Variants in MLANA observed in about 807,000 individuals in gnomAD.
MLANA encodes melan-A, also known as melanoma antigen recognized by T-cells 1.
A neutral mutation model predicts 15.7 loss-of-function variants in MLANA; 21 were observed. The observed-to-expected ratio is 1.33, with a 90% CI of 0.95 to 1.92. MLANA has a LOEUF of 1.92. Ranked by LOEUF, MLANA falls within the 40% of genes most tolerant of loss-of-function variation. The pLI is 0.00. For synonymous variants in MLANA, 56 were observed against 51.5 expected (o/e 1.09, Z -0.37); for missense variants, 164 against 143.8 (o/e 1.14, Z -0.72).
At position 5,901,406 on chromosome 9, in the gene MLANA, G is replaced by A. The variant is rs559051841; in HGVS notation, c.174+3753G>A. Among the ~76,000 whole-genome samples, 3 of 152,260 alleles carry A rather than the reference G, an allele frequency of 2.0e-5. No individual in the cohort carries two copies. The East Asian group carries it at 5.8e-4, about 29-fold the overall frequency. On this transcript the variant is annotated intron_variant, in intron 3 of 4. Transcript: ENST00000381477. Reference sequence around the variant, plus strand: ...TTTCCCTTTATCCCTCGTTTATTGAGAGTTTTAAATTATGAATGGGTGTTT... The same window carrying A: ...TTTCCCTTTATCCCTCGTTTATTGAAAGTTTTAAATTATGAATGGGTGTTT...
At chr9:5,904,641 T>A (rs1421804677) in intron 3 of MLANA, among the ~76,000 whole-genome samples, 1 of 152,064 alleles carries the variant, frequency 6.6e-6, no homozygotes, top group African/African-American at 2.4e-5. Context: ...CTCATCTAAT[T>A]TTTGTATTTT....
At chr9:5,896,177 C>A (rs1464002391) in intron 2 of MLANA, among the ~76,000 whole-genome samples, 1 of 152,204 alleles carries the variant, frequency 6.6e-6, no homozygotes, top group Non-Finnish European at 1.5e-5. Flanking sequence ...GCCCTGGGCA[C>A]TTGACCAGCA....
chr9:5,892,320 C>T (rs936128802), intron 1 of MLANA, 130 bp from the exon 2 acceptor site: 4 of 510,764 alleles, frequency 7.8e-6, no homozygotes, highest in Middle Eastern at 4.1e-4. Context: ...AATCCCCTCA[C>T]AGAGAGAAAC....
intron 3 of MLANA, among the ~76,000 whole-genome samples, chr9:5,901,931 G>T (rs1832454341): frequency 6.6e-6 from 1 of 152,140 alleles, no homozygotes. Flanking sequence ...ATTTTGTTGA[G>T]ATTTTTTGCA....
In MLANA at chr9:5,910,010, A is replaced by G. The variant is rs1048141300; in HGVS notation, c.*1302A>G. 5 of 152,234 alleles carry G rather than the reference A, an allele frequency of 3.3e-5. No individual in the cohort carries two copies. The highest frequency in any genetic ancestry group is 1.2e-4 in the African/African-American group (5 of 41,464). The allele number at this position is 152,234 out of a possible 1,614,324, so 9.4% of individuals were successfully genotyped here. A position where few individuals can be genotyped will look rare whatever the true frequency, so the allele number is the denominator to read the frequency against. On this transcript the variant is annotated 3_prime_UTR_variant, in exon 5 of 5. Transcript: ENST00000381477. Reference sequence around the variant, plus strand: ...TCATTTTCCATAGTAGAGGATAACTATAACAACGAAGATAATGAAAGTAAT... The same window carrying G: ...TCATTTTCCATAGTAGAGGATAACTGTAACAACGAAGATAATGAAAGTAAT...
At chr9:5,903,631 T>C (rs1832593855) in intron 3 of MLANA, among the ~76,000 whole-genome samples, 1 of 152,202 alleles carries the variant, frequency 6.6e-6, no homozygotes, top group Non-Finnish European at 1.5e-5. Context: ...ATGCAACTAT[T>C]TTTCCTTGCA....
Position 5,908,888 on chromosome 9 carries a change from T to C in MLANA, c.*180T>C. The C allele has an allele frequency of 1.7e-6, 1 of 575,734 alleles. No homozygotes were observed. The highest frequency in any genetic ancestry group is 3.1e-6 in the Non-Finnish European group (1 of 325,382). The allele number at this position is 575,734 out of a possible 1,614,324, so 35.7% of individuals were successfully genotyped here. ...TAGCAGTACTAATCATGTGAGGAAA[T>C]GATGAGAAATATTAAATTGGGAAAA... On this transcript the variant is annotated 3_prime_UTR_variant, in exon 5 of 5. Transcript: ENST00000381477.
chr9:5,906,259 C>T (rs1302339365), intron 3 of MLANA, among the ~76,000 whole-genome samples: 6 of 148,404 alleles, frequency 4.0e-5, no homozygotes, highest in Middle Eastern at 3.2e-3. Context: ...GAACCCAGGA[C>T]GCAGAGGTTG....
At position 5,894,085 on chromosome 9, in the gene MLANA, G is replaced by A. The variant is rs534695043; in HGVS notation, c.77+1534G>A. Among the ~76,000 whole-genome samples, 2 of 152,258 alleles carry A rather than the reference G, an allele frequency of 1.3e-5. No individual in the cohort carries two copies. Among genetic ancestry groups the A allele is most frequent in the African/African-American group, 4.8e-5 (2 of 41,554 alleles). On this transcript the variant is annotated intron_variant, in intron 2 of 4. Coordinates refer to ENST00000381477, the MANE Select transcript of MLANA (RefSeq NM_005511.2). This position sits in a 1 kb window ranked among gnomAD's most constrained non-coding sequence, Gnocchi z 4.0. Reference sequence around the variant, plus strand: ...AGTGTTATGCTGCAGGCCAGCAGAGGCAAATATTTGCACAATCCCATCCGA... The same window carrying A: ...AGTGTTATGCTGCAGGCCAGCAGAGACAAATATTTGCACAATCCCATCCGA...
At chr9:5,895,566 T>G (rs1831958403) in intron 2 of MLANA, among the ~76,000 whole-genome samples, 1 of 152,212 alleles carries the variant, frequency 6.6e-6, no homozygotes, top group Non-Finnish European at 1.5e-5. Flanking sequence ...ACTACATACC[T>G]GCTTTGGGTA....
intron 3 of MLANA, among the ~76,000 whole-genome samples, chr9:5,900,688 T>C (rs1234074149): frequency 6.6e-6 from 1 of 152,206 alleles, no homozygotes; most frequent in Non-Finnish European, 1.5e-5. Context: ...TTTAGATCTC[T>C]TAAAATTTCT....
chr9:5,906,851 C>G (rs1455554594), intron 3 of MLANA, 34 bp from the exon 4 acceptor site: 1 of 1,357,388 alleles, frequency 7.4e-7, no homozygotes, highest in African/African-American at 1.5e-5. Context: ...GTTACTTCTT[C>G]TCACCCACTC....
In MLANA at chr9:5,909,440, T is replaced by G. The variant is rs1833028238; in HGVS notation, c.*732T>G. On this transcript the variant is annotated 3_prime_UTR_variant, in exon 5 of 5. Coordinates refer to ENST00000381477, the MANE Select transcript of MLANA (RefSeq NM_005511.2). ...TGCCTGACTAATTTTGTAGTTTTAG[T>G]AGAGACGGGGTTTCTCCATGTTGGT... 1.3e-5 allele frequency: 2 copies of G among 152,250 alleles called. No homozygotes were observed. Among genetic ancestry groups the G allele is most frequent in the South Asian group, 4.1e-4 (2 of 4,830 alleles). The allele number at this position is 152,250 out of a possible 1,614,324, so 9.4% of individuals were successfully genotyped here.
At chr9:5,891,708 T>C (rs1283085660) in intron 1 of MLANA, among the ~76,000 whole-genome samples, 1 of 152,134 alleles carries the variant, frequency 6.6e-6, no homozygotes, top group Non-Finnish European at 1.5e-5. Context: ...GTATGTGTTA[T>C]AGTTAGAAAA....
At position 5,898,094 on chromosome 9, in the gene MLANA, G is replaced by A. The variant is rs73395379; in HGVS notation, c.174+441G>A. Reference sequence around the variant, plus strand: ...TTCTTGAAACAGGAAATCCTGGGATGGAGCGCAGTGGTGAACATGAGTCAC... The same window carrying A: ...TTCTTGAAACAGGAAATCCTGGGATAGAGCGCAGTGGTGAACATGAGTCAC... On this transcript the variant is annotated intron_variant, in intron 3 of 4. Coordinates refer to ENST00000381477, the MANE Select transcript of MLANA (RefSeq NM_005511.2). 2.5e-3 allele frequency: 425 copies of A among 167,096 alleles called. 3 individuals carry two copies. Among genetic ancestry groups the A allele is most frequent in the African/African-American group, 9.7e-3 (405 of 41,810 alleles). 10.4% of individuals were successfully genotyped at this position (167,096 alleles called of 1,614,324 possible).
rs144676130 is a variant in MLANA at position 5,909,076 on chromosome 9, C to T, written c.*368C>T. 306 of 269,376 alleles carry T rather than the reference C, an allele frequency of 1.1e-3. No individual in the cohort carries two copies. Among genetic ancestry groups the T allele is most frequent in the Non-Finnish European group, 1.8e-3 (256 of 140,374 alleles). 16.7% of individuals were successfully genotyped at this position (269,376 alleles called of 1,614,324 possible). ...GCTAATAACAAACTAGTCAGGTTTT[C>T]GAACCTTGACCGACATGAACTGTAC... On this transcript the variant is annotated 3_prime_UTR_variant, in exon 5 of 5. Coordinates refer to ENST00000381477, the MANE Select transcript of MLANA (RefSeq NM_005511.2).
chr9:5,909,514 T>G lies in MLANA; in HGVS notation c.*806T>G, dbSNP rs749780603. On this transcript the variant is annotated 3_prime_UTR_variant, in exon 5 of 5. Transcript: ENST00000381477. ...CTCAGGTGATCTGCCCGCCTCAGCC[T>G]CCCAAAGTGCTGGAATTACAGGCGT... 6.6e-6 allele frequency: 1 copy of G among 152,312 alleles called. No homozygotes were observed. Among genetic ancestry groups the G allele is most frequent in the Non-Finnish European group, 1.5e-5 (1 of 68,118 alleles). The allele number at this position is 152,312 out of a possible 1,614,324, so 9.4% of individuals were successfully genotyped here. A position where few individuals can be genotyped will look rare whatever the true frequency, so the allele number is the denominator to read the frequency against.
chr9:5,898,802 C>T (rs1304466027), intron 3 of MLANA: 1 of 152,226 alleles, frequency 6.6e-6, no homozygotes, highest in Non-Finnish European at 1.5e-5. Context: ...TGACTCTACA[C>T]TAAGCATCCC....
chr9:5,892,646 C>T, intron 2 of MLANA, 95 bp downstream of exon 2: 1 of 973,324 alleles, frequency 1.0e-6, no homozygotes, highest in Non-Finnish European at 1.5e-6. Context: ...CGTAAATCTC[C>T]CTAGTGTTTA....
Sources: gnomAD v4.1 joint callset for allele counts (sites outside exome capture counted in the v4.1 genomes callset) on GRCh38, gnomAD v4.1.1 for gene constraint, Gnocchi (gnomAD v3.1) non-coding constraint, MANE v1.5 for transcripts, NCBI Gene and HGNC (gene_info 2026-07-23, HGNC 2026-07-21) for gene names.